MTHFD1L: variants seen among roughly 807,000 people sequenced by gnomAD.
MTHFD1L encodes methylenetetrahydrofolate dehydrogenase (NADP+ dependent) 1 like.
MTHFD1L carries 81 observed loss-of-function variants against 119.5 expected under a neutral mutation model. The ratio of observed to expected loss-of-function variants is 0.68; its 90% CI spans 0.57 to 0.82. MTHFD1L has a LOEUF of 0.82. Among genes scored for constraint, MTHFD1L ranks in the 40% least tolerant of loss-of-function variants. The pLI is 0.00. For synonymous variants in MTHFD1L, 430 were observed against 475.2 expected (o/e 0.90, Z 1.24); for missense variants, 1,125 against 1,253.4 (o/e 0.90, Z 1.55).
At chr6:151,079,243 G>A (rs1476039545) in intron 26 of MTHFD1L, among the ~76,000 whole-genome samples, 2 of 151,022 alleles carry the variant, frequency 1.3e-5, no homozygotes, top group Non-Finnish European at 3.0e-5. Flanking sequence ...TGGAGGGGGT[G>A]GGGAGTAGGG....
At chr6:151,095,829 C>T (rs1771314846) in intron 27 of MTHFD1L, among the ~76,000 whole-genome samples, 2 of 152,240 alleles carry the variant, frequency 1.3e-5, no homozygotes, top group Non-Finnish European at 2.9e-5. Flanking sequence ...GCCTTGCCAC[C>T]CTGTGGCACT....
intron 4 of MTHFD1L, among the ~76,000 whole-genome samples, chr6:150,878,845 C>T (rs1274764062): frequency 6.6e-6 from 1 of 152,166 alleles, no homozygotes; most frequent in Admixed American, 6.5e-5. Flanking sequence ...CTTTGCAGTA[C>T]ACAGAGGCTG....
chr6:150,928,622 A>C (rs566508157), intron 11 of MTHFD1L, among the ~76,000 whole-genome samples: 64 of 149,246 alleles, frequency 4.3e-4, no homozygotes, highest in African/African-American at 1.6e-3. Context: ...GCTCGCTGCA[A>C]CCTCTGCCCC....
chr6:150,915,358 A>G (rs561192855), intron 8 of MTHFD1L, among the ~76,000 whole-genome samples: 3 of 152,310 alleles, frequency 2.0e-5, no homozygotes, highest in South Asian at 2.1e-4. Flanking sequence ...AGGGAAGCCA[A>G]AAGATTACAC....
chr6:151,066,773 A>T (rs1791335257), intron 26 of MTHFD1L, among the ~76,000 whole-genome samples: 1 of 152,006 alleles, frequency 6.6e-6, no homozygotes, highest in Non-Finnish European at 1.5e-5. Flanking sequence ...TCAAAAAAAA[A>T]AAAAAAAGTG....
At chr6:150,874,599 C>A (rs1780086866) in intron 1 of MTHFD1L, among the ~76,000 whole-genome samples, 1 of 152,236 alleles carries the variant, frequency 6.6e-6, no homozygotes, top group African/African-American at 2.4e-5. Flanking sequence ...GGTCTTAGCA[C>A]TGAAGCCTGG....
intron 8 of MTHFD1L, among the ~76,000 whole-genome samples, chr6:150,910,750 G>T (rs111664450): frequency 5.3e-5 from 8 of 152,066 alleles, no homozygotes; most frequent in African/African-American, 1.9e-4. Context: ...AATAAATGCT[G>T]GTCCACTTCC....
At chr6:151,037,413 G>T (rs1334594835) in intron 26 of MTHFD1L, among the ~76,000 whole-genome samples, 5 of 152,106 alleles carry the variant, frequency 3.3e-5, no homozygotes, top group Admixed American at 6.5e-5. Context: ...TTAAATGGTA[G>T]AATGGCTTAA....
intron 10 of MTHFD1L, among the ~76,000 whole-genome samples, chr6:150,923,555 T>C (rs1298532445): frequency 7.5e-6 from 1 of 133,294 alleles, no homozygotes; most frequent in African/African-American, 2.8e-5. Flanking sequence ...TTTTTTTTTT[T>C]TTTTTTTTTG....
At chr6:150,929,046 G>A (rs906003104) in intron 11 of MTHFD1L, among the ~76,000 whole-genome samples, 22 of 152,068 alleles carry the variant, frequency 1.4e-4, no homozygotes, top group African/African-American at 4.6e-4. Flanking sequence ...CCCCATAATC[G>A]AGTGTGGGAA....
chr6:150,919,800 C>T (rs998448521), intron 9 of MTHFD1L, among the ~76,000 whole-genome samples: 2 of 152,178 alleles, frequency 1.3e-5, no homozygotes, highest in Non-Finnish European at 2.9e-5. Context: ...CCACCAGGCC[C>T]CACCTCTAAC....
intron 11 of MTHFD1L, among the ~76,000 whole-genome samples, chr6:150,931,268 C>CTTTTTTTTTTT (rs370763551): frequency 1.6e-5 from 2 of 123,714 alleles, no homozygotes; most frequent in Non-Finnish European, 1.7e-5. Context: ...ATCATTTCAT[C>CTTTTTTTTTTT]TTTTTTTTTT....
intron 26 of MTHFD1L, among the ~76,000 whole-genome samples, chr6:151,077,751 T>C (rs1250238407): frequency 6.6e-6 from 1 of 151,136 alleles, no homozygotes; most frequent in East Asian, 2.0e-4. Context: ...TAGATTACAA[T>C]AGAGCAATAT....
chr6:151,049,601 G>A (rs560277703), intron 26 of MTHFD1L, among the ~76,000 whole-genome samples: 4 of 150,354 alleles, frequency 2.7e-5, no homozygotes, highest in African/African-American at 9.8e-5. Flanking sequence ...GGCGGAAGTT[G>A]CAGTGAGTTG....
At chr6:150,896,834 C>A (rs190885653) in intron 7 of MTHFD1L, among the ~76,000 whole-genome samples, 1 of 151,860 alleles carries the variant, frequency 6.6e-6, no homozygotes, top group South Asian at 2.1e-4. Flanking sequence ...GTGTGGCGGG[C>A]GCGGTGGCTC....
chr6:151,054,581 A>G (rs1562604635), intron 26 of MTHFD1L, among the ~76,000 whole-genome samples: 1 of 152,186 alleles, frequency 6.6e-6, no homozygotes, highest in African/African-American at 2.4e-5. Flanking sequence ...TTAAAAACAA[A>G]AACTCGGCCA....
intron 24 of MTHFD1L, among the ~76,000 whole-genome samples, chr6:151,020,695 C>T (rs1033079789): frequency 1.1e-4 from 17 of 152,188 alleles, no homozygotes; most frequent in African/African-American, 3.4e-4. Context: ...TTCCTCTCTA[C>T]CCTTGAGGGT....
intron 20 of MTHFD1L, among the ~76,000 whole-genome samples, chr6:150,989,992 T>C (rs1310004963): frequency 6.6e-6 from 1 of 152,158 alleles, no homozygotes; most frequent in African/African-American, 2.4e-5. Context: ...TAAAAGCTTT[T>C]TCAAGGCCGG....
At chr6:150,907,575 G>T (rs1453182488) in intron 8 of MTHFD1L, among the ~76,000 whole-genome samples, 3 of 152,208 alleles carry the variant, frequency 2.0e-5, no homozygotes, top group African/African-American at 7.2e-5. Context: ...CCTCGTGATT[G>T]CATGGCTGAC....
Sources: gnomAD v4.1 joint callset for allele counts (sites outside exome capture counted in the v4.1 genomes callset) on GRCh38, gnomAD v4.1.1 for gene constraint, MANE v1.5 for transcripts, NCBI Gene and HGNC (gene_info 2026-07-23, HGNC 2026-07-21) for gene names.